Variants in LRRC7 observed in about 807,000 individuals in gnomAD.
LRRC7 encodes leucine rich repeat containing 7.
LRRC7 carries 23 observed loss-of-function variants against 175.7 expected under a neutral mutation model. The observed-to-expected ratio is 0.13, with a 90% CI of 0.09 to 0.19. The LOEUF (loss-of-function observed/expected upper bound fraction) is 0.19. LRRC7 is among the 10% of genes least tolerant of loss of function. The pLI is 1.00. For synonymous variants in LRRC7, 685 were observed against 680.9 expected (o/e 1.01, Z -0.09); for missense variants, 1,354 against 1,904.7 (o/e 0.71, Z 5.38).
chr1:69,809,921 G>A (rs1242346033), intron 4 of LRRC7, among the ~76,000 whole-genome samples: 1 of 152,074 alleles, frequency 6.6e-6, no homozygotes, highest in East Asian at 1.9e-4. Context: ...GTTCTGGCCA[G>A]GGCAATCAGG....
chr1:69,929,154 A>C (rs548099308), intron 7 of LRRC7, among the ~76,000 whole-genome samples: 1 of 152,238 alleles, frequency 6.6e-6, no homozygotes, highest in South Asian at 2.1e-4. Context: ...TTCATCTGTT[A>C]TAGGTAAATG....
chr1:69,702,786 A>G (rs1292377460), intron 2 of LRRC7, among the ~76,000 whole-genome samples: 1 of 152,148 alleles, frequency 6.6e-6, no homozygotes, highest in Non-Finnish European at 1.5e-5. Flanking sequence ...TTTATTATTA[A>G]GATGAATATA....
intron 1 of LRRC7, among the ~76,000 whole-genome samples, chr1:69,654,435 CT>C (rs1055275267): frequency 4.0e-5 from 6 of 151,898 alleles, no homozygotes; most frequent in African/African-American, 9.7e-5. Flanking sequence ...ATCATAATTG[CT>C]TTTTTTCCAT....
At chr1:69,577,911 T>G (rs1018660653) in intron 1 of LRRC7, among the ~76,000 whole-genome samples, 6 of 152,102 alleles carry the variant, frequency 3.9e-5, no homozygotes, top group South Asian at 2.1e-4. Flanking sequence ...TTCCAATTCT[T>G]TGAAGAAAGT....
At chr1:69,678,297 G>C (rs937808169) in intron 1 of LRRC7, 84 bp from the exon 2 acceptor site, 1 of 986,354 alleles carries the variant, frequency 1.0e-6, no homozygotes, top group Non-Finnish European at 1.5e-6. Flanking sequence ...AGTTCTGTGG[G>C]AATTTGAATT....
In LRRC7 at chr1:69,678,454, C is replaced by G; in HGVS notation, c.76C>G (p.Leu26Val). The G allele has an allele frequency of 6.2e-7, 1 of 1,604,712 alleles. No individual in the cohort carries two copies. The highest frequency in any genetic ancestry group is 8.5e-7 in the Non-Finnish European group (1 of 1,175,904). Residue 26 changes from leucine to valine, a missense_variant, in exon 2 of 27, where the codon CTT becomes GTT. This residue lies in a region of LRRC7 where 68 missense variants were observed against 83.4 expected (regional missense o/e 0.82). Coordinates refer to ENST00000651989, the MANE Select transcript of LRRC7 (RefSeq NM_001370785.2). ...RSPCKEVRAALRKRPEEELQC... is the reference protein window; with the variant it reads ...RSPCKEVRAAVRKRPEEELQC... ...TCCTTGTAAAGAGGTTCGTGCAGCA[C>G]TTCGGAAGAGGCCTGAAGAGGAGTG... is the stretch of plus-strand genomic sequence containing the variant.
rs762420604 is a variant in LRRC7, at chr1:70,028,184, T to G, written c.1808T>G (p.Leu603Arg). The G allele has an allele frequency of 6.2e-6, 10 of 1,613,130 alleles. No homozygotes were observed. The highest frequency in any genetic ancestry group is 5.1e-6 in the Non-Finnish European group (6 of 1,179,422). The change falls in exon 18 of 27, where the codon CTA becomes CGA. Residue 603 changes from leucine to arginine, a missense_variant. Physicochemically the swap from Leu to Arg is moderately radical, Grantham distance 102 (BLOSUM62 -2). Transcript: ENST00000651989. ...GTAAACTTCTAGGTTGAAATAAACC[T>G]AAAACGATATCCAACTCCTTACCCA... is the stretch of plus-strand genomic sequence containing the variant. ...SLSGRQVEIN[L>R]KRYPTPYPED...
chr1:69,934,498 G>A (rs1443909543), intron 8 of LRRC7, among the ~76,000 whole-genome samples: 3 of 101,782 alleles, frequency 2.9e-5, no homozygotes, highest in Non-Finnish European at 6.4e-5. Context: ...TTTTGGCGGG[G>A]GGGGGGCGGG....
At chr1:69,810,250 C>T (rs2101136665) in intron 4 of LRRC7, among the ~76,000 whole-genome samples, 1 of 152,096 alleles carries the variant, frequency 6.6e-6, no homozygotes, top group Non-Finnish European at 1.5e-5. Context: ...GAACTACAAA[C>T]CACTGCTCAA....
chr1:69,866,804 T>C (rs1304399626), intron 7 of LRRC7, among the ~76,000 whole-genome samples: 3 of 152,232 alleles, frequency 2.0e-5, no homozygotes, highest in Admixed American at 2.0e-4. Flanking sequence ...AAATTTCCAG[T>C]TAGAAATGAT....
chr1:69,957,819 T>C (rs2101836882), intron 8 of LRRC7, among the ~76,000 whole-genome samples: 1 of 152,086 alleles, frequency 6.6e-6, no homozygotes, highest in Admixed American at 6.6e-5. Flanking sequence ...TTCAGGTTAC[T>C]GGTTTGCCAA....
chr1:69,573,251 C>T (rs1645809643), intron 1 of LRRC7, among the ~76,000 whole-genome samples: 1 of 152,036 alleles, frequency 6.6e-6, no homozygotes, highest in African/African-American at 2.4e-5. Flanking sequence ...AGATTTGGCC[C>T]CTGTTCATTT....
At chr1:70,064,569 T>C (rs1558038801) in intron 23 of LRRC7, among the ~76,000 whole-genome samples, 1 of 151,928 alleles carries the variant, frequency 6.6e-6, no homozygotes, top group Non-Finnish European at 1.5e-5. Flanking sequence ...CATTGCACTG[T>C]TAAATAACCT....
intron 6 of LRRC7, 48 bp from the exon 7 acceptor site, chr1:69,838,179 T>C: frequency 7.4e-7 from 1 of 1,358,744 alleles, no homozygotes. Flanking sequence ...TTCAATAATT[T>C]TTTAGACAGA....
At position 69,827,590 on chromosome 1, in the gene LRRC7, C is replaced by G. The variant is rs1475271844; in HGVS notation, c.500+1764C>G. ...TCTGGCCAGGCATGGTTGCTCACAC[C>G]TGTGATCCCAACACTTAGGCCAAAG... On this transcript the variant is annotated intron_variant, in intron 5 of 26. Transcript: ENST00000651989. Among the ~76,000 whole-genome samples, 3 of 152,040 alleles carry G rather than the reference C, an allele frequency of 2.0e-5. No individual in the cohort carries two copies. The East Asian group carries it at 5.8e-4, about 29-fold the overall frequency.
At chr1:69,806,132 C>G (rs1159994150) in intron 4 of LRRC7, among the ~76,000 whole-genome samples, 1 of 151,908 alleles carries the variant, frequency 6.6e-6, no homozygotes, top group East Asian at 1.9e-4. Context: ...TGAACGTTAC[C>G]TTGTTTCTAG....
chr1:70,103,716 T>G lies in LRRC7; in HGVS notation c.4546-4036T>G, dbSNP rs115638360. Reference sequence around the variant, plus strand: ...ACAGCAACAGTAGAAAACTAATATATATTGCCTTATTGAAAAAGAGGGTTA... The same window carrying G: ...ACAGCAACAGTAGAAAACTAATATAGATTGCCTTATTGAAAAAGAGGGTTA... On this transcript the variant is annotated intron_variant, in intron 25 of 26. Coordinates refer to ENST00000651989, the MANE Select transcript of LRRC7 (RefSeq NM_001370785.2). Among the ~76,000 whole-genome samples the G allele has an allele frequency of 8.5e-3, 1,294 of 152,242 alleles. 12 individuals are homozygous for G. Among genetic ancestry groups the G allele is most frequent in the African/African-American group, 0.029 (1,217 of 41,544 alleles).
chr1:69,674,430 AGTAAATG>A (rs1198861024), intron 1 of LRRC7, among the ~76,000 whole-genome samples: 4 of 152,322 alleles, frequency 2.6e-5, no homozygotes, highest in African/African-American at 4.8e-5. Context: ...GGATTAATGA[AGTAAATG>A]GTAAATGGTA....
chr1:69,824,022 A>C (rs761738305), intron 4 of LRRC7, among the ~76,000 whole-genome samples: 1 of 152,198 alleles, frequency 6.6e-6, no homozygotes, highest in African/African-American at 2.4e-5. Context: ...TAAACAAATA[A>C]TATAGCACCA....
Sources: gnomAD v4.1 joint callset for allele counts (sites outside exome capture counted in the v4.1 genomes callset) on GRCh38, gnomAD v4.1.1 for gene constraint, gnomAD v4.1.1 regional missense constraint, MANE v1.5 for transcripts, NCBI Gene and HGNC (gene_info 2026-07-23, HGNC 2026-07-21) for gene names.